Variants in NLGN1 observed in about 807,000 individuals in gnomAD.
NLGN1 encodes neuroligin 1, also known as neuroligin-1.
Under a neutral mutation model 65.5 loss-of-function variants are expected in NLGN1, and 12 were observed. That is an observed-to-expected ratio of 0.18 (90% CI 0.12 to 0.30). NLGN1 has a LOEUF of 0.30. Among genes scored for constraint, NLGN1 ranks in the 10% least tolerant of loss-of-function variants. The pLI, the probability that NLGN1 is intolerant of heterozygous loss-of-function variation, is 1.00. For missense variants in NLGN1, 750 were observed against 1,007.1 expected (o/e 0.74, Z 3.46); for synonymous variants, 350 against 359.5 (o/e 0.97, Z 0.30).
intron 4 of NLGN1, among the ~76,000 whole-genome samples, chr3:174,161,767 A>G (rs937371004): frequency 1.3e-5 from 2 of 151,880 alleles, no homozygotes; most frequent in African/African-American, 4.8e-5. Context: ...CCTTAATACT[A>G]TCCACGGGGT....
chr3:173,934,624 CCCCTGATCTTTTACA>C (rs1489250601), intron 4 of NLGN1, among the ~76,000 whole-genome samples: 3 of 151,906 alleles, frequency 2.0e-5, no homozygotes, highest in African/African-American at 7.2e-5. Context: ...ACTTTATCTT[CCCCTGATCTTTTACA>C]CCCTGAAAAA....
chr3:173,448,829 G>C (rs2148832024), intron 2 of NLGN1, among the ~76,000 whole-genome samples: 1 of 152,290 alleles, frequency 6.6e-6, no homozygotes, highest in South Asian at 2.1e-4. Context: ...ATTTCTTCTA[G>C]ATTTTCTAGT....
intron 4 of NLGN1, among the ~76,000 whole-genome samples, chr3:174,114,826 G>A (rs1688826182): frequency 6.6e-6 from 1 of 151,982 alleles, no homozygotes; most frequent in African/African-American, 2.4e-5. Flanking sequence ...ACAATACTAG[G>A]AAGAGACTAG....
chr3:173,400,130 T>C (rs1717389005), intron 1 of NLGN1, among the ~76,000 whole-genome samples: 2 of 152,216 alleles, frequency 1.3e-5, no homozygotes, highest in African/African-American at 4.8e-5. Context: ...GGCTTAGTTT[T>C]TGAAGTGAAG....
At chr3:174,101,731 A>G (rs1259197575) in intron 4 of NLGN1, among the ~76,000 whole-genome samples, 4 of 152,142 alleles carry the variant, frequency 2.6e-5, no homozygotes, top group African/African-American at 9.7e-5. Context: ...TAGATTCATA[A>G]TAAATAGTTA....
chr3:174,041,305 A>T (rs969323816), intron 4 of NLGN1, among the ~76,000 whole-genome samples: 2 of 152,140 alleles, frequency 1.3e-5, no homozygotes, highest in African/African-American at 4.8e-5. Flanking sequence ...TATGTTGTCA[A>T]TATGTTAGTA....
At chr3:173,904,538 C>T (rs1453038520) in intron 4 of NLGN1, among the ~76,000 whole-genome samples, 8 of 150,634 alleles carry the variant, frequency 5.3e-5, no homozygotes. Flanking sequence ...GTTTCAAGTG[C>T]ATAACCACAA....
intron 4 of NLGN1, among the ~76,000 whole-genome samples, chr3:173,961,272 T>C (rs943552233): frequency 2.0e-5 from 3 of 152,018 alleles, no homozygotes; most frequent in East Asian, 1.9e-4. Context: ...TGTATGAAGG[T>C]AGGTAAATAA....
chr3:173,448,917 T>G (rs890192978), intron 2 of NLGN1, among the ~76,000 whole-genome samples: 2 of 152,112 alleles, frequency 1.3e-5, no homozygotes, highest in Admixed American at 6.6e-5. Flanking sequence ...CATCCCCTTT[T>G]TCATTTTTTA....
chr3:174,048,254 C>T (rs77954903), intron 4 of NLGN1, among the ~76,000 whole-genome samples: 3,684 of 152,086 alleles, frequency 0.024, 138 homozygotes, highest in African/African-American at 0.081. Context: ...TGGAGATAGT[C>T]GTGATGTGTA....
chr3:173,891,383 A>G (rs1268280554), intron 4 of NLGN1, among the ~76,000 whole-genome samples: 1 of 152,184 alleles, frequency 6.6e-6, no homozygotes, highest in Non-Finnish European at 1.5e-5. Flanking sequence ...AGCTATCTGC[A>G]TAGTCAGAAA....
intron 4 of NLGN1, among the ~76,000 whole-genome samples, chr3:173,926,136 CT>C (rs1048745407): frequency 1.3e-5 from 2 of 151,556 alleles, no homozygotes; most frequent in African/African-American, 4.8e-5. Flanking sequence ...TTTTAAAATA[CT>C]TTTTTATTAA....
intron 2 of NLGN1, among the ~76,000 whole-genome samples, chr3:173,540,257 T>A (rs1249463283): frequency 6.6e-6 from 1 of 152,176 alleles, no homozygotes; most frequent in African/African-American, 2.4e-5. Flanking sequence ...CTGTTGAATA[T>A]GCTAGGTCAT....
intron 4 of NLGN1, among the ~76,000 whole-genome samples, chr3:173,990,442 G>T (rs995451721): frequency 2.0e-5 from 3 of 152,114 alleles, no homozygotes; most frequent in African/African-American, 7.2e-5. Flanking sequence ...ACTTAAGCTT[G>T]CAACTTATTT....
At chr3:173,674,924 A>G (rs938298186) in intron 3 of NLGN1, among the ~76,000 whole-genome samples, 3 of 151,978 alleles carry the variant, frequency 2.0e-5, no homozygotes, top group African/African-American at 7.2e-5. Flanking sequence ...TTATCATTAT[A>G]AAAAAATTAT....
chr3:173,496,708 G>C (rs1339039708), intron 2 of NLGN1, among the ~76,000 whole-genome samples: 3 of 151,650 alleles, frequency 2.0e-5, no homozygotes, highest in Non-Finnish European at 4.4e-5. Flanking sequence ...TTCTTAATGA[G>C]AATATAGAAA....
chr3:174,106,262 T>C (rs559884857), intron 4 of NLGN1, among the ~76,000 whole-genome samples: 59 of 152,126 alleles, frequency 3.9e-4, no homozygotes, highest in Non-Finnish European at 6.5e-4. Context: ...TCTCCAAGAA[T>C]ATAGCATTAT....
chr3:173,513,947 G>A (rs1733410613), intron 2 of NLGN1, among the ~76,000 whole-genome samples: 1 of 152,168 alleles, frequency 6.6e-6, no homozygotes, highest in African/African-American at 2.4e-5. Flanking sequence ...AGAATCGTTT[G>A]AACCCAGTAG....
chr3:173,714,178 C>G (rs897488218), intron 3 of NLGN1, among the ~76,000 whole-genome samples: 2 of 152,106 alleles, frequency 1.3e-5, no homozygotes, highest in Non-Finnish European at 2.9e-5. Context: ...GTCACCTCAG[C>G]TGAGAAAGTC....
Sources: gnomAD v4.1 joint callset for allele counts (sites outside exome capture counted in the v4.1 genomes callset) on GRCh38, gnomAD v4.1.1 for gene constraint, MANE v1.5 for transcripts, NCBI Gene and HGNC (gene_info 2026-07-23, HGNC 2026-07-21) for gene names.